The following FRYL variants were observed in gnomAD, a reference collection of about 807,000 sequenced individuals.
FRYL encodes protein furry homolog-like.
A neutral mutation model predicts 351.2 loss-of-function variants in FRYL; 150 were observed. That is an observed-to-expected ratio of 0.43 (90% confidence interval 0.37 to 0.49). The LOEUF is 0.49. FRYL is among the 20% of genes least tolerant of loss of function. The pLI, the probability that FRYL is intolerant of heterozygous loss-of-function variation, is 0.00. For missense variants in FRYL, 3,036 were observed against 3,619.3 expected (o/e 0.84, Z 4.13); for synonymous variants, 1,153 against 1,257.1 (o/e 0.92, Z 1.75).
At chr4:48,544,746 A>T in intron 43 of FRYL, 37 bp downstream of exon 43, 1 of 1,533,558 alleles carries the variant, frequency 6.5e-7, no homozygotes, top group Non-Finnish European at 8.8e-7. Context: ...CATCACATTA[A>T]AATGTCACTA....
intron 3 of FRYL, among the ~76,000 whole-genome samples, chr4:48,652,568 G>A (rs1160302938): frequency 6.6e-6 from 1 of 152,060 alleles, no homozygotes; most frequent in Non-Finnish European, 1.5e-5. Context: ...TCTCCATATG[G>A]AAGAATTACT....
intron 11 of FRYL, among the ~76,000 whole-genome samples, chr4:48,605,436 GATTTT>G (rs1450032747): frequency 6.6e-6 from 1 of 152,106 alleles, no homozygotes; most frequent in African/African-American, 2.4e-5. Context: ...TCATTTTTGA[GATTTT>G]AATTAGAATA....
intron 11 of FRYL, among the ~76,000 whole-genome samples, chr4:48,605,056 T>C (rs1309295378): frequency 3.3e-5 from 5 of 152,190 alleles, no homozygotes; most frequent in Non-Finnish European, 5.9e-5. Context: ...GACTTATACA[T>C]GATAGCCTGT....
In FRYL at chr4:48,653,694, A is replaced by G. The variant is rs1162199082; in HGVS notation, c.-80-19204T>C. ...ATAATACCTCAGCATTTTTTTTTTC[A>G]TGTAGGAATATATACTTACAGCTGC... is the stretch of plus-strand genomic sequence containing the variant. On this transcript the variant is annotated intron_variant, in intron 3 of 63. Transcript: ENST00000358350. 3 of 1,270,196 alleles carry G rather than the reference A, an allele frequency of 2.4e-6. No homozygotes were observed. The African/African-American group carries it at 4.7e-5, about 20-fold the overall frequency. 78.7% of individuals were successfully genotyped at this position (1,270,196 alleles called of 1,614,324 possible).
chr4:48,695,930 T>C (rs1400288564), intron 2 of FRYL, among the ~76,000 whole-genome samples: 1 of 152,058 alleles, frequency 6.6e-6, no homozygotes, highest in Admixed American at 6.6e-5. Context: ...GAAAAACAGC[T>C]CAACATCACT....
intron 1 of FRYL, among the ~76,000 whole-genome samples, chr4:48,755,007 G>C (rs1773631845): frequency 6.6e-6 from 1 of 152,182 alleles, no homozygotes; most frequent in Non-Finnish European, 1.5e-5. Flanking sequence ...ATTGTGTACA[G>C]AACTGTGTAC....
chr4:48,505,743 T>A (rs1031213743), intron 59 of FRYL, 128 bp from the exon 60 acceptor site: 13 of 592,206 alleles, frequency 2.2e-5, no homozygotes, highest in Admixed American at 3.2e-5. Context: ...TAGACTTTTA[T>A]CTCCATTCAA....
chr4:48,585,190 ATAAT>A (rs1741838402), intron 19 of FRYL, among the ~76,000 whole-genome samples: 1 of 152,262 alleles, frequency 6.6e-6, no homozygotes, highest in Admixed American at 6.5e-5. Context: ...AGTATCATAA[ATAAT>A]TAATGTTTCT....
At position 48,515,290 on chromosome 4, in the gene FRYL, T is replaced by C. The variant is rs373511251; in HGVS notation, c.7690-15A>G. 19 of 1,578,176 alleles carry C rather than the reference T, an allele frequency of 1.2e-5. No individual in the cohort carries two copies. In the African/African-American group the frequency reaches 2.6e-4, roughly 22 times the overall value. On this transcript the variant is annotated splice_polypyrimidine_tract_variant and intron_variant, in intron 55 of 63. Coordinates refer to ENST00000358350, the MANE Select transcript of FRYL (RefSeq NM_015030.2). ...GAAGTTGTATCCTACAAAACAATCATAGTTTTAGTGAACTATAAACACATA... is the reference window on the plus strand; with the variant it reads ...GAAGTTGTATCCTACAAAACAATCACAGTTTTAGTGAACTATAAACACATA...
At chr4:48,704,299 T>A (rs1560883225) in intron 2 of FRYL, among the ~76,000 whole-genome samples, 1 of 152,106 alleles carries the variant, frequency 6.6e-6, no homozygotes, top group Non-Finnish European at 1.5e-5. Context: ...AAATGCCTCT[T>A]AGCCATATAA....
At chr4:48,632,104 A>ATATATGTATATATG (rs1553957626) in intron 4 of FRYL, among the ~76,000 whole-genome samples, 2 of 49,924 alleles carry the variant, frequency 4.0e-5, no homozygotes, top group East Asian at 1.3e-3. Flanking sequence ...ATATATATAT[A>ATATATGTATATATG]TATATATATA....
chr4:48,735,202 C>CA (rs1418123886), intron 1 of FRYL, among the ~76,000 whole-genome samples: 2 of 76,680 alleles, frequency 2.6e-5, no homozygotes, highest in Admixed American at 1.7e-4. Flanking sequence ...TTTATGCAGC[C>CA]AAAAAACACA....
At chr4:48,630,020 A>G (rs144400329) in intron 4 of FRYL, among the ~76,000 whole-genome samples, 1 of 152,174 alleles carries the variant, frequency 6.6e-6, no homozygotes, top group Non-Finnish European at 1.5e-5. Flanking sequence ...GTTAAGCAAG[A>G]ATATATAAAC....
chr4:48,644,497 T>TAA lies in FRYL; in HGVS notation c.-80-10009_-80-10008dup, dbSNP rs61422049. Among the ~76,000 whole-genome samples, 11 of 117,642 alleles carry TAA rather than the reference T, an allele frequency of 9.4e-5. No individual in the cohort carries two copies. In the South Asian group the frequency reaches 1.9e-3, roughly 21 times the overall value. The allele number at this position is 117,642 out of a possible 152,430, so 77.2% of individuals were successfully genotyped here. Reference sequence around the variant, plus strand: ...TAAGTGTAGATAAATCAGATAATTGTAAAAAAAAAAAAAAAAAAAGTACCC... The same window carrying TAA: ...TAAGTGTAGATAAATCAGATAATTGTAAAAAAAAAAAAAAAAAAAAAGTACCC... On this transcript the variant is annotated intron_variant, in intron 3 of 63. Transcript: ENST00000358350.
chr4:48,615,812 C>T (rs1172593179), intron 7 of FRYL, among the ~76,000 whole-genome samples: 2 of 151,974 alleles, frequency 1.3e-5, no homozygotes, highest in African/African-American at 4.8e-5. Flanking sequence ...TTGGAACCAA[C>T]CCAAAAGCCC....
At chr4:48,581,042 CTA>C in intron 21 of FRYL, 91 bp from the exon 22 acceptor site, 1 of 657,080 alleles carries the variant, frequency 1.5e-6, no homozygotes, top group Non-Finnish European at 2.4e-6. Context: ...CACTTCAGCA[CTA>C]TTTTTTTTTT....
At position 48,708,409 on chromosome 4, in the gene FRYL, G is replaced by C. The variant is rs1344153685; in HGVS notation, c.-204+2110C>G. On this transcript the variant is annotated intron_variant, in intron 2 of 63. Coordinates refer to ENST00000358350, the MANE Select transcript of FRYL (RefSeq NM_015030.2). The stretch of plus-strand genomic sequence containing the variant: ...TTGAACCTGGGAGGTGGAAGTTGCA[G>C]TGAGCCGAGATCATGCCACTGCACT... 3.3e-5 allele frequency among the ~76,000 whole-genome samples: 5 copies of C among 152,296 alleles called. No individual in the cohort carries two copies. The East Asian group carries it at 7.7e-4, about 24-fold the overall frequency.
intron 13 of FRYL, among the ~76,000 whole-genome samples, chr4:48,599,824 T>C (rs1242669299): frequency 6.6e-6 from 1 of 152,162 alleles, no homozygotes; most frequent in Non-Finnish European, 1.5e-5. Context: ...AGTATGGGTC[T>C]AGGCTGGGAG....
chr4:48,557,268 T>G (rs1365782216), intron 34 of FRYL, 150 bp from the exon 35 acceptor site: 4 of 1,203,760 alleles, frequency 3.3e-6, no homozygotes, highest in South Asian at 1.7e-5. Context: ...TTCCAACAAA[T>G]CTAAACATAA....
Sources: gnomAD v4.1 joint callset for allele counts (sites outside exome capture counted in the v4.1 genomes callset) on GRCh38, gnomAD v4.1.1 for gene constraint, MANE v1.5 for transcripts, NCBI Gene and HGNC (gene_info 2026-07-23, HGNC 2026-07-21) for gene names.